The following SDR42E2 variants were observed in gnomAD, a reference collection of about 807,000 sequenced individuals.
SDR42E2 encodes putative short-chain dehydrogenase/reductase family 42E member 2.
SDR42E2 carries 20 observed loss-of-function variants against 10.5 expected under a neutral mutation model. That is an observed-to-expected ratio of 1.90 (90% confidence interval 1.34 to 2.77). The LOEUF (loss-of-function observed/expected upper bound fraction) is 2.77, where lower values mean the gene tolerates loss of function less well. Ranked by LOEUF, SDR42E2 falls within the 30% of genes most tolerant of loss-of-function variation. The pLI is 0.00. For missense variants in SDR42E2, 162 were observed against 104.2 expected, an observed-to-expected ratio of 1.55 and a Z score of -2.42; for synonymous variants, 72 against 39.2, an observed-to-expected ratio of 1.84 and a Z score of -3.12.
intron 8 of SDR42E2, 79 bp from the exon 9 acceptor site, chr16:22,181,440 T>C (rs1489800119): frequency 3.6e-5 from 25 of 697,820 alleles, no homozygotes; most frequent in Non-Finnish European, 5.8e-5. Flanking sequence ...AGCTAGAACC[T>C]GGGGAGTCAT....
intron 7 of SDR42E2, among the ~76,000 whole-genome samples, chr16:22,172,719 A>T (rs941680244): frequency 6.6e-6 from 1 of 152,244 alleles, no homozygotes. Flanking sequence ...GGGCCTGGCA[A>T]GGGAGAGGCC....
At chr16:22,178,015 G>A (rs1446889059) in intron 7 of SDR42E2, 115 bp from the exon 8 acceptor site, 17 of 592,112 alleles carry the variant, frequency 2.9e-5, no homozygotes, top group Non-Finnish European at 4.2e-5. Context: ...CCCCTGGGCC[G>A]GTCTTCCCCT....
At chr16:22,171,523 G>T (rs1410670787) in intron 6 of SDR42E2, among the ~76,000 whole-genome samples, 2 of 150,050 alleles carry the variant, frequency 1.3e-5, no homozygotes, top group African/African-American at 4.9e-5. Context: ...CAGGCGTGTT[G>T]TTTGTTTGTT....
intron 12 of SDR42E2, among the ~76,000 whole-genome samples, chr16:22,188,222 T>TATTG (rs10664217): frequency 0.42 from 64,042 of 151,602 alleles, 15,551 homozygotes; most frequent in East Asian, 0.88. Flanking sequence ...CTAGGAAAAT[T>TATTG]ATTTGTCCAA....
intron 7 of SDR42E2, among the ~76,000 whole-genome samples, chr16:22,174,946 G>A (rs910444941): frequency 4.6e-5 from 7 of 152,138 alleles, no homozygotes; most frequent in African/African-American, 1.7e-4. Flanking sequence ...TCCCGCTGCA[G>A]TCACCTGGGG....
chr16:22,167,193 T>G (rs2142060022), intron 4 of SDR42E2, among the ~76,000 whole-genome samples, 194 bp downstream of exon 4: 1 of 128,332 alleles, frequency 7.8e-6, no homozygotes, highest in African/African-American at 2.8e-5. Flanking sequence ...TTTTTTTTTT[T>G]TTTTTTTTTT....
chr16:22,189,918 CA>C (rs2046759541), intron 12 of SDR42E2, among the ~76,000 whole-genome samples: 1 of 152,180 alleles, frequency 6.6e-6, no homozygotes, highest in Admixed American at 6.5e-5. Flanking sequence ...GGGGGCGACG[CA>C]AAGGCGGCAC....
rs1027761752 is a variant in SDR42E2 at position 22,181,550 on chromosome 16, G to C, written c.704G>C (p.Arg235Pro). The C allele has an allele frequency of 2.8e-6, 2 of 702,878 alleles. No individual in the cohort carries two copies. The highest frequency in any genetic ancestry group is 2.6e-6 in the Non-Finnish European group (1 of 385,010). The allele number at this position is 702,878 out of a possible 1,614,324, so 43.5% of individuals were successfully genotyped here. Reference protein sequence around the residue: ...GHIKKRLFMFRFGDHKARMNW... With the variant: ...GHIKKRLFMFPFGDHKARMNW... ...ATCAAGAAGAGGCTGTTCATGTTCC[G>C]ATTTGGGGACCACAAGGCACGGATG... The change falls in exon 9 of 13, where the codon CGA becomes CCA. Residue 235 changes from arginine (R) to proline (P), a missense_variant. Physicochemically the swap from Arg to Pro is moderately radical, Grantham distance 103. Transcript: ENST00000602312.
chr16:22,175,902 C>T (rs1175155581), intron 7 of SDR42E2, among the ~76,000 whole-genome samples: 1 of 150,942 alleles, frequency 6.6e-6, no homozygotes, highest in African/African-American at 2.4e-5. Flanking sequence ...CTGAGGCAGG[C>T]GAATCACTTG....
At chr16:22,165,379 C>T (rs1238341217) in intron 1 of SDR42E2, among the ~76,000 whole-genome samples, 168 bp from the exon 2 acceptor site, 1 of 152,184 alleles carries the variant, frequency 6.6e-6, no homozygotes, top group South Asian at 2.1e-4. Flanking sequence ...TGAACCACCA[C>T]GCCGGGCCCA....
intron 2 of SDR42E2, among the ~76,000 whole-genome samples, 197 bp from the exon 3 acceptor site, chr16:22,166,053 A>G (rs1332844390): frequency 6.7e-6 from 1 of 149,192 alleles, no homozygotes; most frequent in Non-Finnish European, 1.5e-5. Flanking sequence ...GAGCTGGGCC[A>G]GGAGCTGGGT....
At chr16:22,179,772 C>G (rs142451658) in intron 8 of SDR42E2, among the ~76,000 whole-genome samples, 1 of 144,366 alleles carries the variant, frequency 6.9e-6, no homozygotes, top group East Asian at 2.2e-4. Flanking sequence ...GAGATTGTGC[C>G]ATTGCACTCC....
chr16:22,185,956 C>CT (rs57413444), intron 11 of SDR42E2, among the ~76,000 whole-genome samples: 7,709 of 152,036 alleles, frequency 0.051, 639 homozygotes, highest in African/African-American at 0.18. Flanking sequence ...GTTGTCTAGG[C>CT]TGGTCTTGAA....
chr16:22,173,670 C>A (rs1253957480), intron 7 of SDR42E2, among the ~76,000 whole-genome samples: 2 of 151,930 alleles, frequency 1.3e-5, no homozygotes, highest in Admixed American at 6.6e-5. Context: ...CCATAGATAT[C>A]CCTTGCTTTC....
intron 11 of SDR42E2, among the ~76,000 whole-genome samples, chr16:22,185,110 C>A (rs1034884150): frequency 5.3e-5 from 8 of 152,136 alleles, no homozygotes; most frequent in African/African-American, 1.7e-4. Flanking sequence ...CCCACCTCCA[C>A]CCCCGACAAT....
At position 22,181,624 on chromosome 16, in the gene SDR42E2, G is replaced by T. The variant is rs1268683919; in HGVS notation, c.778G>T (p.Glu260Ter). 2.8e-6 allele frequency: 2 copies of T among 702,998 alleles called. No individual in the cohort carries two copies. The highest frequency in any genetic ancestry group is 3.0e-5 in the South Asian group (2 of 67,602). The allele number at this position is 702,998 out of a possible 1,614,324, so 43.5% of individuals were successfully genotyped here. ...GGTGCAGGCACACGTGCTGGCGGCC[G>T]AGGCCCTCACCACGGCCAAGGGCTA... ...NLVQAHVLAA[E>*]ALTTAKGYVA... Residue 260 changes from glutamate (E) to a stop codon, truncating the protein, a stop_gained, in exon 9 of 13, where the codon GAG becomes TAG. Transcript: ENST00000602312. LOFTEE classifies it high-confidence loss of function.
At chr16:22,168,517 C>T (rs1480548608) in intron 4 of SDR42E2, among the ~76,000 whole-genome samples, 10 of 151,766 alleles carry the variant, frequency 6.6e-5, no homozygotes, top group Admixed American at 6.6e-4. Flanking sequence ...CCGCCCACCT[C>T]GGCCTCCCAA....
chr16:22,179,245 T>C (rs11645518), intron 8 of SDR42E2, among the ~76,000 whole-genome samples: 1 of 152,096 alleles, frequency 6.6e-6, no homozygotes, highest in Non-Finnish European at 1.5e-5. Context: ...TGCCTCAACC[T>C]CCCAAGTTGC....
intron 11 of SDR42E2, among the ~76,000 whole-genome samples, chr16:22,184,545 T>C (rs2046722223): frequency 6.6e-6 from 1 of 152,094 alleles, no homozygotes; most frequent in Non-Finnish European, 1.5e-5. Context: ...GAGGTTGCAG[T>C]GAGCCGAGAT....
Sources: gnomAD v4.1 joint callset for allele counts (sites outside exome capture counted in the v4.1 genomes callset) on GRCh38, gnomAD v4.1.1 for gene constraint, MANE v1.5 for transcripts, NCBI Gene and HGNC (gene_info 2026-07-23, HGNC 2026-07-21) for gene names.